UBE2G1: variants seen among roughly 807,000 people sequenced by gnomAD.
UBE2G1 encodes the protein ubiquitin conjugating enzyme E2 G1.
A neutral mutation model predicts 22.7 loss-of-function variants in UBE2G1; 5 were observed. That is an observed-to-expected ratio of 0.22 (90% CI 0.12 to 0.46). The LOEUF is 0.46. Among genes scored for constraint, UBE2G1 ranks in the 20% least tolerant of loss-of-function variants. The probability of loss-of-function intolerance (pLI) is 0.99; values close to 1 mark genes in which losing one functional copy is unlikely to be tolerated. For synonymous variants in UBE2G1, 74 were observed against 67.5 expected, an observed-to-expected ratio of 1.10 and a Z score of -0.47; for missense variants, 88 against 203.9, an observed-to-expected ratio of 0.43 and a Z score of 3.46.
intron 2 of UBE2G1, among the ~76,000 whole-genome samples, chr17:4,306,111 T>C (rs991148211): frequency 2.0e-5 from 3 of 152,158 alleles, no homozygotes; most frequent in Admixed American, 6.5e-5. Context: ...GACCATTAGT[T>C]TAGTTTGGGA....
intron 1 of UBE2G1, among the ~76,000 whole-genome samples, chr17:4,347,689 C>G (rs1597264271): frequency 2.0e-5 from 3 of 152,128 alleles, no homozygotes; most frequent in African/African-American, 2.4e-5. Context: ...GTGGACCAGG[C>G]TGGTCTCAAA....
intron 5 of UBE2G1, among the ~76,000 whole-genome samples, chr17:4,275,269 G>C (rs1279083165): frequency 6.6e-6 from 1 of 152,180 alleles, no homozygotes; most frequent in African/African-American, 2.4e-5. Context: ...GTACAGAAAA[G>C]GCAGGTTTTG....
At position 4,271,555 on chromosome 17, in the gene UBE2G1, A is replaced by C. The variant is rs1968760067; in HGVS notation, c.*999T>G. 2 of 150,848 alleles carry C rather than the reference A, an allele frequency of 1.3e-5. No homozygotes were observed. Among genetic ancestry groups the C allele is most frequent in the South Asian group, 4.3e-4 (2 of 4,684 alleles). The allele number at this position is 150,848 out of a possible 1,614,324, so 9.3% of individuals were successfully genotyped here. A position where few individuals can be genotyped will look rare whatever the true frequency, so the allele number is the denominator to read the frequency against. ...AATAGGTGAGAAAAATCTGCAGTAT[A>C]GAAGAATAGAGGCAGAGAAATATGA... On this transcript the variant is annotated 3_prime_UTR_variant, in exon 6 of 6. Coordinates refer to ENST00000396981, the MANE Select transcript of UBE2G1 (RefSeq NM_003342.5).
intron 2 of UBE2G1, chr17:4,301,717 A>C (rs557340170): frequency 7.4e-6 from 5 of 673,610 alleles, no homozygotes; most frequent in Non-Finnish European, 1.4e-5. Context: ...AATTTGAAAG[A>C]CTTGTGTTTG....
At chr17:4,335,382 T>A (rs1969633675) in intron 1 of UBE2G1, 1 of 152,128 alleles carries the variant, frequency 6.6e-6, no homozygotes, top group African/African-American at 2.4e-5. Context: ...TAACCCTAGA[T>A]GCCAGAAGAT....
intron 5 of UBE2G1, among the ~76,000 whole-genome samples, chr17:4,281,426 A>T (rs1968890121): frequency 6.6e-6 from 1 of 152,214 alleles, no homozygotes; most frequent in Admixed American, 6.5e-5. Flanking sequence ...AAAGCAGCGG[A>T]GTGTAGGGGA....
chr17:4,294,904 GA>G (rs776957415), intron 3 of UBE2G1, among the ~76,000 whole-genome samples: 4 of 150,170 alleles, frequency 2.7e-5, no homozygotes, highest in African/African-American at 7.3e-5. Context: ...CCCTGTCTTA[GA>G]AAAAAAGGAC....
chr17:4,360,555 A>G (rs999653411), intron 1 of UBE2G1, among the ~76,000 whole-genome samples: 5 of 152,254 alleles, frequency 3.3e-5, no homozygotes, highest in South Asian at 2.1e-4. Context: ...ATAATGATAA[A>G]TGCACCTAAT....
At chr17:4,296,946 C>T in intron 2 of UBE2G1, 132 bp from the exon 3 acceptor site, 1 of 718,388 alleles carries the variant, frequency 1.4e-6, no homozygotes, top group Non-Finnish European at 2.3e-6. Context: ...TCTGGATTCC[C>T]ACAGGCAGTT....
intron 1 of UBE2G1, among the ~76,000 whole-genome samples, chr17:4,356,726 T>C (rs1597267670): frequency 6.6e-6 from 1 of 152,172 alleles, no homozygotes; most frequent in East Asian, 1.9e-4. Context: ...AAAAATAAAA[T>C]TAAGACGGAA....
intron 5 of UBE2G1, among the ~76,000 whole-genome samples, chr17:4,275,451 A>C (rs909375149): frequency 7.2e-5 from 11 of 152,182 alleles, no homozygotes; most frequent in Non-Finnish European, 1.2e-4. Flanking sequence ...TTTGCCTCAT[A>C]TCTTCTCAGA....
rs1385178107 is a variant in UBE2G1, at chr17:4,270,384, A to G, written c.*2170T>C. Reference sequence around the variant, plus strand: ...TAAAAGGGAGGGATCCCATCTCTTAAAAGAATTTTTTTGTATTAGCCAGGC... The same window carrying G: ...TAAAAGGGAGGGATCCCATCTCTTAGAAGAATTTTTTTGTATTAGCCAGGC... On this transcript the variant is annotated 3_prime_UTR_variant, in exon 6 of 6. Coordinates refer to ENST00000396981, the MANE Select transcript of UBE2G1 (RefSeq NM_003342.5). 1 of 152,188 alleles carries G rather than the reference A, an allele frequency of 6.6e-6. No homozygotes were observed. The highest frequency in any genetic ancestry group is 1.5e-5 in the Non-Finnish European group (1 of 68,004). The allele number at this position is 152,188 out of a possible 1,614,324, so 9.4% of individuals were successfully genotyped here. A position where few individuals can be genotyped will look rare whatever the true frequency, so the allele number is the denominator to read the frequency against.
At chr17:4,319,044 A>G (rs1484291202) in intron 1 of UBE2G1, among the ~76,000 whole-genome samples, 4 of 152,248 alleles carry the variant, frequency 2.6e-5, no homozygotes, top group African/African-American at 9.6e-5. Context: ...TTCAGAAATC[A>G]TACTTCTAAT....
chr17:4,286,547 A>G (rs1416279317), intron 4 of UBE2G1, among the ~76,000 whole-genome samples: 4 of 152,196 alleles, frequency 2.6e-5, no homozygotes, highest in Admixed American at 2.0e-4. Context: ...AATTTGTGGT[A>G]TTTGGACTAG....
chr17:4,283,360 C>T (rs2053258), intron 4 of UBE2G1, among the ~76,000 whole-genome samples: 83,167 of 152,000 alleles, frequency 0.55, 25,964 homozygotes, highest in East Asian at 0.8. Context: ...ATTAGCCAGG[C>T]GTGGTGGCAC....
intron 1 of UBE2G1, among the ~76,000 whole-genome samples, chr17:4,344,539 T>A (rs547222313): frequency 6.8e-6 from 1 of 147,872 alleles, no homozygotes; most frequent in East Asian, 2.0e-4. Flanking sequence ...AAACGCCATA[T>A]GAAGAAAGCT....
intron 4 of UBE2G1, among the ~76,000 whole-genome samples, chr17:4,288,837 C>T (rs748772668): frequency 5.9e-5 from 9 of 152,170 alleles, no homozygotes; most frequent in Non-Finnish European, 1.2e-4. Context: ...ATTAGCCATT[C>T]CACAACATAT....
At chr17:4,334,799 A>C in intron 1 of UBE2G1, among the ~76,000 whole-genome samples, 1 of 152,234 alleles carries the variant, frequency 6.6e-6, no homozygotes, top group South Asian at 2.1e-4. Context: ...TCAGCATCCC[A>C]AAGTGCTGGG....
intron 1 of UBE2G1, among the ~76,000 whole-genome samples, chr17:4,321,402 A>C (rs2143760430): frequency 6.6e-6 from 1 of 152,072 alleles, no homozygotes; most frequent in Middle Eastern, 3.4e-3. Context: ...TCTTTGGTGC[A>C]TTTACATATT....
Sources: gnomAD v4.1 joint callset for allele counts (sites outside exome capture counted in the v4.1 genomes callset) on GRCh38, gnomAD v4.1.1 for gene constraint, MANE v1.5 for transcripts, NCBI Gene and HGNC (gene_info 2026-07-23, HGNC 2026-07-21) for gene names.